Variants in WHRN observed in about 807,000 individuals in gnomAD.
WHRN encodes whirlin.
A neutral mutation model predicts 68.3 loss-of-function variants in WHRN; 41 were observed. That is an observed-to-expected ratio of 0.60 (90% confidence interval 0.47 to 0.78). The LOEUF is 0.78. Ranked by LOEUF, WHRN falls within the 30% of genes least tolerant of loss-of-function variation. WHRN has a pLI of 0.00. For missense variants in WHRN, 1,243 were observed against 1,244.7 expected, an observed-to-expected ratio of 1.00 and a Z score of 0.02; for synonymous variants, 560 against 561.3, an observed-to-expected ratio of 1.00 and a Z score of 0.03.
At chr9:114,475,661 C>T (rs1179183156) in intron 2 of WHRN, among the ~76,000 whole-genome samples, 1 of 152,110 alleles carries the variant, frequency 6.6e-6, no homozygotes, top group African/African-American at 2.4e-5. Flanking sequence ...AGAGTCTGGC[C>T]GTGGCTTTTT....
At chr9:114,425,596 C>CACACACAA (rs917526934) in intron 4 of WHRN, 2 of 206,400 alleles carry the variant, frequency 9.7e-6, no homozygotes, top group African/African-American at 5.3e-5. Context: ...GACACACACA[C>CACACACAA]ACACACACAC....
intron 4 of WHRN, chr9:114,425,904 G>A (rs747938545): frequency 2.3e-6 from 1 of 441,054 alleles, no homozygotes; most frequent in Non-Finnish European, 4.2e-6. Flanking sequence ...CACAGATCTG[G>A]GATGAGGGCA....
intron 2 of WHRN, among the ~76,000 whole-genome samples, chr9:114,468,846 A>G (rs1564192239): frequency 6.6e-6 from 1 of 152,176 alleles, no homozygotes; most frequent in African/African-American, 2.4e-5. Flanking sequence ...GCCAGCTCCA[A>G]GGCTTGAGCA....
intron 3 of WHRN, among the ~76,000 whole-genome samples, chr9:114,462,128 A>G (rs1840294279): frequency 6.6e-6 from 1 of 152,158 alleles, no homozygotes; most frequent in African/African-American, 2.4e-5. Context: ...GGTGAAACAG[A>G]GTGAAGAACA....
At chr9:114,494,434 T>A (rs775833884) in intron 1 of WHRN, among the ~76,000 whole-genome samples, 1 of 152,260 alleles carries the variant, frequency 6.6e-6, no homozygotes, top group Non-Finnish European at 1.5e-5. Flanking sequence ...AAGTAACTTG[T>A]CTGCTACTTT....
intron 4 of WHRN, chr9:114,425,489 GT>G (rs1281307334): frequency 4.6e-3 from 1,390 of 299,950 alleles, no homozygotes; most frequent in South Asian, 0.014. Flanking sequence ...CAGAAATCCA[GT>G]TTTTTTTTTT....
intron 7 of WHRN, among the ~76,000 whole-genome samples, chr9:114,418,023 G>C (rs1835948661): frequency 6.6e-6 from 1 of 152,178 alleles, no homozygotes; most frequent in Non-Finnish European, 1.5e-5. Context: ...CCGGTGTGGG[G>C]GTCCAGACTC....
intron 3 of WHRN, among the ~76,000 whole-genome samples, chr9:114,449,682 C>A (rs1329248157): frequency 6.6e-6 from 1 of 152,098 alleles, no homozygotes; most frequent in East Asian, 1.9e-4. Context: ...AATCACTCAG[C>A]CTGTGGCAGG....
At chr9:114,489,910 T>C (rs1842842902) in intron 1 of WHRN, among the ~76,000 whole-genome samples, 1 of 151,298 alleles carries the variant, frequency 6.6e-6, no homozygotes, top group African/African-American at 2.4e-5. Context: ...AGAACACATG[T>C]CATTTGTAAA....
At chr9:114,439,998 C>T (rs569223555) in intron 3 of WHRN, among the ~76,000 whole-genome samples, 4 of 152,106 alleles carry the variant, frequency 2.6e-5, no homozygotes, top group Admixed American at 6.5e-5. Flanking sequence ...TTGCAACCTC[C>T]GTCTCCCGGG....
At chr9:114,504,084 C>A in intron 1 of WHRN, 100 bp downstream of exon 1, 1 of 1,564,500 alleles carries the variant, frequency 6.4e-7, no homozygotes. Context: ...CCCAGAAAGG[C>A]CAAGTGATTC....
chr9:114,503,104 C>T, intron 1 of WHRN: 7 of 984,278 alleles, frequency 7.1e-6, no homozygotes, highest in Non-Finnish European at 8.4e-6. Context: ...GCTCAAGACT[C>T]ACCTGGACAC....
At chr9:114,420,249 G>A (rs149643016) in intron 7 of WHRN, among the ~76,000 whole-genome samples, 57 of 152,274 alleles carry the variant, frequency 3.7e-4, no homozygotes, top group African/African-American at 1.3e-3. Context: ...CAGGAATAAT[G>A]GAGAGAGGGG....
chr9:114,403,236 G>A lies in WHRN; in HGVS notation c.2522C>T (p.Pro841Leu). 1.2e-6 allele frequency: 2 copies of A among 1,614,202 alleles called. No individual in the cohort carries two copies. The highest frequency in any genetic ancestry group is 1.7e-6 in the Non-Finnish European group (2 of 1,180,022). ...ACATACCTGAATAGTGACAATCCTAGGCAGGGGCTGGCGGGTGTTGGCGCC... is the reference window on the plus strand; with the variant it reads ...ACATACCTGAATAGTGACAATCCTAAGCAGGGGCTGGCGGGTGTTGGCGCC... ...EGGANTRQPL[P>L]RIVTIQRGGS... The change falls in exon 11 of 12, where the codon CCT (proline) becomes CTT (leucine). Residue 841 changes from proline to leucine, a missense_variant. Transcript: ENST00000362057.
chr9:114,406,960 C>T lies in WHRN; in HGVS notation c.1699-68G>A, dbSNP rs1430877999. ...CACGCCTGGAAGAGGGGAGGCCGAG[C>T]AGCTGAGTGGTGCCAGGCCCAGCTG... On this transcript the variant is annotated intron_variant, in intron 8 of 11. Coordinates refer to ENST00000362057, the MANE Select transcript of WHRN (RefSeq NM_015404.4). The T allele has an allele frequency of 5.2e-6, 8 of 1,531,596 alleles. No individual in the cohort carries two copies. In the East Asian group the frequency reaches 1.7e-4, roughly 33 times the overall value. 94.9% of individuals were successfully genotyped at this position (1,531,596 alleles called of 1,614,324 possible).
intron 2 of WHRN, among the ~76,000 whole-genome samples, chr9:114,475,034 C>T (rs934306602): frequency 6.6e-6 from 1 of 152,092 alleles, no homozygotes; most frequent in African/African-American, 2.4e-5. Flanking sequence ...GAAGAGGAAC[C>T]CTGGTGCACT....
At chr9:114,494,042 C>T (rs1843238168) in intron 1 of WHRN, among the ~76,000 whole-genome samples, 2 of 152,044 alleles carry the variant, frequency 1.3e-5, no homozygotes, top group Admixed American at 1.3e-4. Context: ...TGACTGTGTG[C>T]CCCTGACTGT....
chr9:114,423,449 C>A lies in WHRN; in HGVS notation c.1491G>T (p.Arg497Ser), dbSNP rs558895210. 12 of 1,614,006 alleles carry A rather than the reference C, an allele frequency of 7.4e-6. No homozygotes were observed. In the African/African-American group the frequency reaches 1.6e-4, roughly 22 times the overall value. Residue 497 changes from arginine (R) to serine (S), a missense_variant, in exon 7 of 12, where the codon AGG (arginine) becomes AGT (serine). Physicochemically the swap from Arg to Ser is moderately radical, Grantham distance 110. Coordinates refer to ENST00000362057, the MANE Select transcript of WHRN (RefSeq NM_015404.4). ...GCGCCTTCATGGACTCAATCTCACG[C>A]CTCAGCACCAGGTGGTCGAAGCGTT... is the stretch of plus-strand genomic sequence containing the variant. ...DLERFDHLVL[R>S]REIESMKARQ... is the part of the protein sequence containing the mutation.
chr9:114,468,832 C>T (rs1840943644), intron 2 of WHRN, among the ~76,000 whole-genome samples: 1 of 152,208 alleles, frequency 6.6e-6, no homozygotes, highest in African/African-American at 2.4e-5. Context: ...TGCCCCAGTG[C>T]TGTGCCAGCT....
Sources: gnomAD v4.1 joint callset for allele counts (sites outside exome capture counted in the v4.1 genomes callset) on GRCh38, gnomAD v4.1.1 for gene constraint, MANE v1.5 for transcripts, NCBI Gene and HGNC (gene_info 2026-07-23, HGNC 2026-07-21) for gene names.